BRSK2: variants seen among roughly 807,000 people sequenced by gnomAD.
The protein encoded by BRSK2 is serine/threonine-protein kinase BRSK2.
BRSK2 carries 19 observed loss-of-function variants against 83.3 expected under a neutral mutation model. The ratio of observed to expected loss-of-function variants is 0.23; its 90% confidence interval spans 0.16 to 0.33. The LOEUF (loss-of-function observed/expected upper bound fraction) is 0.33, where lower values mean the gene tolerates loss of function less well. Among genes scored for constraint, BRSK2 ranks in the 10% least tolerant of loss-of-function variants. The pLI, the probability that BRSK2 is intolerant of heterozygous loss-of-function variation, is 1.00. For missense variants in BRSK2, 798 were observed against 1,042.3 expected, an observed-to-expected ratio of 0.77 and a Z score of 3.23; for synonymous variants, 519 against 435.4, an observed-to-expected ratio of 1.19 and a Z score of -2.39.
rs760670475 is a variant in BRSK2 at position 1,460,739 on chromosome 11, C to G, written c.*16C>G. 95 of 1,410,464 alleles carry G rather than the reference C, an allele frequency of 6.7e-5. No individual in the cohort carries two copies. Among genetic ancestry groups the G allele is most frequent in the South Asian group, 1.3e-4 (9 of 69,374 alleles). The allele number at this position is 1,410,464 out of a possible 1,614,324, so 87.4% of individuals were successfully genotyped here. ...GCAGCCTTAGACACACTAGCCCCCC[C>G]CCCCAGCACAGCACTGACAGCGGCT... On this transcript the variant is annotated 3_prime_UTR_variant, in exon 20 of 20. Coordinates refer to ENST00000528841, the MANE Select transcript of BRSK2 (RefSeq NM_001256627.2).
At chr11:1,416,067 C>T (rs10466387) in intron 1 of BRSK2, among the ~76,000 whole-genome samples, 41,071 of 152,210 alleles carry the variant, frequency 0.27, 5,704 homozygotes, top group Middle Eastern at 0.44. Context: ...ACCTGGTGCA[C>T]GGGGACCTTT....
chr11:1,456,298 A>G (rs965098329), intron 16 of BRSK2, 50 bp from the exon 17 acceptor site: 1 of 1,490,378 alleles, frequency 6.7e-7, no homozygotes, highest in Non-Finnish European at 9.0e-7. Context: ...CCAGAGGGCC[A>G]GGGTGGGACC....
chr11:1,460,079 G>A (rs544623187), intron 19 of BRSK2, among the ~76,000 whole-genome samples: 14 of 141,498 alleles, frequency 9.9e-5, no homozygotes, highest in Admixed American at 2.8e-4. Flanking sequence ...CCTCACGGCT[G>A]CAAGGTGGGG....
intron 1 of BRSK2, among the ~76,000 whole-genome samples, chr11:1,391,674 A>G (rs1845740273): frequency 6.6e-6 from 1 of 152,200 alleles, no homozygotes; most frequent in Admixed American, 6.5e-5. Context: ...CATTCAGCCC[A>G]TGTCACCTGA....
chr11:1,439,498 T>TG (rs1324710600), intron 3 of BRSK2, among the ~76,000 whole-genome samples: 2 of 131,394 alleles, frequency 1.5e-5, no homozygotes, highest in Non-Finnish European at 3.2e-5. Flanking sequence ...ACGGTGCCGG[T>TG]GCAGTGGGGT....
rs923199754 is a variant in BRSK2, at chr11:1,390,434, T to G, written c.91+59T>G. The G allele has an allele frequency of 4.4e-6, 4 of 910,828 alleles. No individual in the cohort carries two copies. The highest frequency in any genetic ancestry group is 1.8e-5 in the African/African-American group (1 of 54,224). The allele number at this position is 910,828 out of a possible 1,614,324, so 56.4% of individuals were successfully genotyped here. A position where few individuals can be genotyped will look rare whatever the true frequency, so the allele number is the denominator to read the frequency against. The stretch of plus-strand genomic sequence containing the variant: ...GAGGCCGCGCTGGCAGCGCGCTGGG[T>G]GGGGGGCGCCCGAGGGAGGCCCCGG... On this transcript the variant is annotated intron_variant, in intron 1 of 19. Coordinates refer to ENST00000528841, the MANE Select transcript of BRSK2 (RefSeq NM_001256627.2). This position sits in a 1 kb window ranked among gnomAD's most constrained non-coding sequence, Gnocchi z 6.8.
chr11:1,434,921 AG>A (rs1373265221), intron 1 of BRSK2, among the ~76,000 whole-genome samples: 4 of 151,774 alleles, frequency 2.6e-5, no homozygotes, highest in African/African-American at 9.7e-5. Flanking sequence ...GGTGGGGCTC[AG>A]GGGTGTGGCC....
chr11:1,445,110 C>G (rs1851840603), intron 9 of BRSK2, 108 bp downstream of exon 9: 7 of 1,521,622 alleles, frequency 4.6e-6, no homozygotes, highest in Admixed American at 1.7e-5. Flanking sequence ...AGGTCCTGCC[C>G]TGCCTTGGCC....
At chr11:1,421,927 G>A (rs566191000) in intron 1 of BRSK2, among the ~76,000 whole-genome samples, 38 of 151,800 alleles carry the variant, frequency 2.5e-4, no homozygotes, top group Middle Eastern at 3.4e-3. Context: ...ATGTGAGCAC[G>A]GCGGCCTGAC....
rs528447871 is a variant in BRSK2 at position 1,451,977 on chromosome 11, C to T, written c.1544+558C>T. Among the ~76,000 whole-genome samples the T allele has an allele frequency of 1.3e-4, 20 of 152,164 alleles. 1 individual carries two copies. In the South Asian group the frequency reaches 2.1e-3, roughly 16 times the overall value. On this transcript the variant is annotated intron_variant, in intron 15 of 19. Transcript: ENST00000528841. ...TGTCCCCAGAGAGACCCCTTCCCAG[C>T]GCCCAGGCCCTCTCCCTCCTCTCCA...
In BRSK2 at chr11:1,390,866, C is replaced by T. The variant is rs967833849; in HGVS notation, c.91+491C>T. ...CCTCCGGGCAGGCCCGATCTCCCTC[C>T]GCGGTGGGGGCGGGAGAGTGCGGGG... On this transcript the variant is annotated intron_variant, in intron 1 of 19. Coordinates refer to ENST00000528841, the MANE Select transcript of BRSK2 (RefSeq NM_001256627.2). The surrounding 1 kb of genome is among the most constrained non-coding windows in gnomAD (Gnocchi z 6.8). Among the ~76,000 whole-genome samples the T allele has an allele frequency of 6.6e-6, 1 of 152,162 alleles. No individual in the cohort carries two copies. The highest frequency in any genetic ancestry group is 2.4e-5 in the African/African-American group (1 of 41,464).
rs781049550 is a variant in BRSK2 at position 1,460,460 on chromosome 11, C to CTTTTT, written c.1988-40_1988-39insTTTTT. On this transcript the variant is annotated intron_variant, in intron 19 of 19. Transcript: ENST00000528841. The stretch of plus-strand genomic sequence containing the variant: ...TCTCTCCCCCTTTTTTTTCTTTTTT[C>CTTTTT]CTTTTTTTTTTTTTTTTTGTCTCTG... 44 of 1,122,750 alleles carry CTTTTT rather than the reference C, an allele frequency of 3.9e-5. 3 individuals are homozygous for CTTTTT. Among genetic ancestry groups the CTTTTT allele is most frequent in the South Asian group, 2.5e-4 (9 of 36,468 alleles). The allele number at this position is 1,122,750 out of a possible 1,614,324, so 69.5% of individuals were successfully genotyped here.
At chr11:1,441,004 G>T in intron 4 of BRSK2, 76 bp downstream of exon 4, 3 of 1,340,904 alleles carry the variant, frequency 2.2e-6, no homozygotes, top group Admixed American at 4.1e-5. Context: ...TGCCCCCTGT[G>T]CCCCAAGGAC....
Position 1,445,550 on chromosome 11 carries a change from C to T in BRSK2, c.978-21C>T, listed in dbSNP as rs772051540. 5.1e-5 allele frequency: 81 copies of T among 1,589,016 alleles called. No homozygotes were observed. The Admixed American group carries it at 9.6e-4, about 19-fold the overall frequency. Reference sequence around the variant, plus strand: ...GGCGGCCCCGTGTGCCAGCGCGTCTCGCGCCTCTCGCCCGCTGTAGGGAGA... The same window carrying T: ...GGCGGCCCCGTGTGCCAGCGCGTCTTGCGCCTCTCGCCCGCTGTAGGGAGA... On this transcript the variant is annotated intron_variant, in intron 10 of 19. Coordinates refer to ENST00000528841, the MANE Select transcript of BRSK2 (RefSeq NM_001256627.2).
Position 1,460,742 on chromosome 11 carries a change from C to CCG in BRSK2, c.*20_*21insGC. The CCG allele has an allele frequency of 1.4e-6, 2 of 1,414,416 alleles. No homozygotes were observed. The highest frequency in any genetic ancestry group is 1.9e-6 in the Non-Finnish European group (2 of 1,079,402). The allele number at this position is 1,414,416 out of a possible 1,614,324, so 87.6% of individuals were successfully genotyped here. On this transcript the variant is annotated 3_prime_UTR_variant, in exon 20 of 20. Transcript: ENST00000528841. ...GCCTTAGACACACTAGCCCCCCCCC[C>CCG]CAGCACAGCACTGACAGCGGCTGCC... is the stretch of plus-strand genomic sequence containing the variant.
rs1302934639 is a variant in BRSK2, at chr11:1,390,400, G to A, written c.91+25G>A. The A allele has an allele frequency of 2.9e-5, 29 of 1,007,982 alleles. No homozygotes were observed. Among genetic ancestry groups the A allele is most frequent in the Admixed American group, 6.2e-5 (1 of 16,254 alleles). 62.4% of individuals were successfully genotyped at this position (1,007,982 alleles called of 1,614,324 possible). On this transcript the variant is annotated intron_variant, in intron 1 of 19. Coordinates refer to ENST00000528841, the MANE Select transcript of BRSK2 (RefSeq NM_001256627.2). This position sits in a 1 kb window ranked among gnomAD's most constrained non-coding sequence, Gnocchi z 6.8. ...GGTGCGTGCGGCCGGGGCGGGGACCGGGGCCGGGGAGGCCGCGCTGGCAGC... is the reference window on the plus strand; with the variant it reads ...GGTGCGTGCGGCCGGGGCGGGGACCAGGGCCGGGGAGGCCGCGCTGGCAGC...
At chr11:1,459,120 G>A (rs1476158868) in intron 18 of BRSK2, 72 bp from the exon 19 acceptor site, 15 of 1,487,356 alleles carry the variant, frequency 1.0e-5, no homozygotes, top group Non-Finnish European at 1.4e-5. Context: ...TCGAGGCTGT[G>A]GGCGTCCAGC....
intron 8 of BRSK2, among the ~76,000 whole-genome samples, chr11:1,444,014 A>G (rs1007498208): frequency 1.2e-4 from 18 of 151,878 alleles, no homozygotes; most frequent in Admixed American, 6.6e-5. Context: ...GTGAGGGCGT[A>G]GGTGTGGGCA....
At chr11:1,395,736 C>T (rs1043630080) in intron 1 of BRSK2, among the ~76,000 whole-genome samples, 14 of 152,230 alleles carry the variant, frequency 9.2e-5, no homozygotes, top group Non-Finnish European at 1.3e-4. Context: ...GCTGGCCGTG[C>T]TGGCCCTGCT....
Sources: allele counts gnomAD v4.1 joint callset (sites outside exome capture counted in the v4.1 genomes callset), GRCh38; gene constraint gnomAD v4.1.1; non-coding constraint Gnocchi (gnomAD v3.1); transcripts MANE v1.5; gene names NCBI Gene and HGNC (gene_info 2026-07-23, HGNC 2026-07-21).